CAGE1: variants seen among roughly 807,000 people sequenced by gnomAD.
CAGE1 encodes the protein cancer-associated gene 1 protein.
A neutral mutation model predicts 94.9 loss-of-function variants in CAGE1; 66 were observed. The ratio of observed to expected loss-of-function variants is 0.70; its 90% CI spans 0.57 to 0.85. The LOEUF is 0.85. Ranked by LOEUF, CAGE1 falls within the 40% of genes least tolerant of loss-of-function variation. The probability of loss-of-function intolerance (pLI) is 0.00; values close to 1 mark genes in which losing one functional copy is unlikely to be tolerated. For missense variants in CAGE1, 865 were observed against 950.4 expected, an observed-to-expected ratio of 0.91 and a Z score of 1.18; for synonymous variants, 319 against 321.0, an observed-to-expected ratio of 0.99 and a Z score of 0.07.
At chr6:7,352,290 CA>C (rs77426667) in intron 11 of CAGE1, among the ~76,000 whole-genome samples, 574 of 43,630 alleles carry the variant, frequency 0.013, 4 homozygotes, top group East Asian at 0.077. Flanking sequence ...ACAATAGCTG[CA>C]AAAAAAAAAA....
chr6:7,343,064 C>T (rs1485450669), intron 11 of CAGE1, among the ~76,000 whole-genome samples: 1 of 151,742 alleles, frequency 6.6e-6, no homozygotes, highest in East Asian at 1.9e-4. Flanking sequence ...TGGTGGGTGC[C>T]TGTAATCCCA....
At chr6:7,368,662 T>C in intron 7 of CAGE1, 26 bp downstream of exon 7, 1 of 1,191,354 alleles carries the variant, frequency 8.4e-7, no homozygotes, top group Non-Finnish European at 1.2e-6. Context: ...ATAATAAAAT[T>C]TTTAGAAGAA....
chr6:7,366,779 C>G (rs1180003912), intron 7 of CAGE1, among the ~76,000 whole-genome samples: 3 of 151,710 alleles, frequency 2.0e-5, no homozygotes, highest in Non-Finnish European at 4.4e-5. Flanking sequence ...TAAGTCATAG[C>G]TGTGAGGACG....
At chr6:7,333,814 C>T (rs1039134404) in intron 12 of CAGE1, among the ~76,000 whole-genome samples, 4 of 151,468 alleles carry the variant, frequency 2.6e-5, no homozygotes, top group Admixed American at 6.6e-5. Context: ...ATTACAGGCA[C>T]GTGCCACCAT....
chr6:7,366,738 G>A (rs898609454), intron 7 of CAGE1, among the ~76,000 whole-genome samples: 1 of 151,824 alleles, frequency 6.6e-6, no homozygotes, highest in Non-Finnish European at 1.5e-5. Flanking sequence ...CCTTTCCCTC[G>A]GCTGATTTTG....
chr6:7,357,121 G>T (rs1759985273), intron 9 of CAGE1, among the ~76,000 whole-genome samples: 2 of 152,006 alleles, frequency 1.3e-5, no homozygotes, highest in South Asian at 4.1e-4. Context: ...ATACTTACAT[G>T]TCTGTAGTGA....
chr6:7,334,892 A>AATCAACAC (rs1156243607), intron 11 of CAGE1, among the ~76,000 whole-genome samples: 1 of 152,170 alleles, frequency 6.6e-6, no homozygotes, highest in Non-Finnish European at 1.5e-5. Context: ...TGCTGCAACA[A>AATCAACAC]ATCAACACAA....
Position 7,359,105 on chromosome 6 carries a change from G to A in CAGE1, c.2194-2976C>T, listed in dbSNP as rs189291844. ...CTTGTTGCCCAGGCTGGAGTGCAAT[G>A]GCACAATCTTGGCTCACTGCAACCT... is the stretch of plus-strand genomic sequence containing the variant. On this transcript the variant is annotated intron_variant, in intron 9 of 13. Coordinates refer to ENST00000502583, the MANE Select transcript of CAGE1 (RefSeq NM_001170692.2). Among the ~76,000 whole-genome samples the A allele has an allele frequency of 1.4e-3, 211 of 151,934 alleles. 1 individual carries two copies. The highest frequency in any genetic ancestry group is 4.8e-3 in the African/African-American group (199 of 41,424).
chr6:7,357,129 T>TGAA (rs1411680076), intron 9 of CAGE1, among the ~76,000 whole-genome samples: 13 of 151,972 alleles, frequency 8.6e-5, no homozygotes, highest in Admixed American at 5.9e-4. Flanking sequence ...ATGTCTGTAG[T>TGAA]GAAGAACCCT....
At chr6:7,372,652 A>G (rs1460865505) in intron 5 of CAGE1, among the ~76,000 whole-genome samples, 1 of 151,838 alleles carries the variant, frequency 6.6e-6, no homozygotes, top group African/African-American at 2.4e-5. Context: ...TTTCCTTTCC[A>G]TATCTGTTTT....
At chr6:7,337,769 AG>A (rs1354545619) in intron 11 of CAGE1, among the ~76,000 whole-genome samples, 1 of 152,246 alleles carries the variant, frequency 6.6e-6, no homozygotes, top group African/African-American at 2.4e-5. Context: ...CTCTATAAAA[AG>A]TCTTAGAATC....
At position 7,365,568 on chromosome 6, in the gene CAGE1, T is replaced by G. The variant is rs1760302400; in HGVS notation, c.2093A>C (p.Asp698Ala). The G allele has an allele frequency of 6.2e-7, 1 of 1,607,830 alleles. No homozygotes were observed. The highest frequency in any genetic ancestry group is 1.3e-5 in the African/African-American group (1 of 74,832). ...AFQDHAIKVI[D>A]CDSDEAKSIR... ...ACTCTTGGCTTCATCTGAATCACAG[T>G]CTATGACCTGAGATTAAATATATTT... Residue 698 changes from aspartate (D) to alanine (A), a missense_variant, in exon 9 of 14, where the codon GAC (aspartate) becomes GCC (alanine). Coordinates refer to ENST00000502583, the MANE Select transcript of CAGE1 (RefSeq NM_001170692.2).
rs1020868226 is a variant in CAGE1 at position 7,362,343 on chromosome 6, C to G, written c.2193+3125G>C. Among the ~76,000 whole-genome samples, 6 of 152,188 alleles carry G rather than the reference C, an allele frequency of 3.9e-5. No individual in the cohort carries two copies. The highest frequency in any genetic ancestry group is 1.4e-4 in the African/African-American group (6 of 41,466). Reference sequence around the variant, plus strand: ...TCTAGGAGGAACTTACTATGAGCCTCTTTGAACTCTGAACATCAGTACCAT... The same window carrying G: ...TCTAGGAGGAACTTACTATGAGCCTGTTTGAACTCTGAACATCAGTACCAT... On this transcript the variant is annotated intron_variant, in intron 9 of 13. Transcript: ENST00000502583. This position sits in a 1 kb window ranked among gnomAD's most constrained non-coding sequence, Gnocchi z 4.1.
rs1561848650 is a variant in CAGE1, at chr6:7,339,990, T to C, written c.2370-5900A>G. 6.6e-6 allele frequency among the ~76,000 whole-genome samples: 1 copy of C among 152,254 alleles called. No individual in the cohort carries two copies. The highest frequency in any genetic ancestry group is 1.9e-4 in the East Asian group (1 of 5,202). Reference sequence around the variant, plus strand: ...TCTACTTTTAGTTCTTTAAAGACTTTCCACACTGTTTTCCACAGTGGTTAT... The same window carrying C: ...TCTACTTTTAGTTCTTTAAAGACTTCCCACACTGTTTTCCACAGTGGTTAT... On this transcript the variant is annotated intron_variant, in intron 11 of 13. Transcript: ENST00000502583. This position sits in a 1 kb window ranked among gnomAD's most constrained non-coding sequence, Gnocchi z 4.7.
chr6:7,333,014 G>A (rs757420995), intron 12 of CAGE1, among the ~76,000 whole-genome samples: 6 of 151,822 alleles, frequency 4.0e-5, no homozygotes, highest in African/African-American at 1.5e-4. Context: ...GCAGTGGCAC[G>A]ATCTCAGCTC....
chr6:7,358,027 G>GATATAGAT (rs1748233178), intron 9 of CAGE1, among the ~76,000 whole-genome samples: 7 of 48,074 alleles, frequency 1.5e-4, no homozygotes, highest in African/African-American at 4.1e-4. Context: ...TAAGTTTTGA[G>GATATAGAT]ATATATATAT....
Position 7,362,565 on chromosome 6 carries a change from C to A in CAGE1, c.2193+2903G>T, listed in dbSNP as rs1206341569. 6.6e-6 allele frequency among the ~76,000 whole-genome samples: 1 copy of A among 152,136 alleles called. No individual in the cohort carries two copies. Among genetic ancestry groups the A allele is most frequent in the Non-Finnish European group, 1.5e-5 (1 of 68,024 alleles). ...AATGGAGCAGATGGCAGGGTCAGAACTGTGAAGAGGAGCCAACGGCAAGGG... is the reference window on the plus strand; with the variant it reads ...AATGGAGCAGATGGCAGGGTCAGAAATGTGAAGAGGAGCCAACGGCAAGGG... On this transcript the variant is annotated intron_variant, in intron 9 of 13. Coordinates refer to ENST00000502583, the MANE Select transcript of CAGE1 (RefSeq NM_001170692.2). The surrounding 1 kb of genome is among the most constrained non-coding windows in gnomAD (Gnocchi z 4.1).
At position 7,341,233 on chromosome 6, in the gene CAGE1, TGGAGGTA is replaced by T. The variant is rs1759162611; in HGVS notation, c.2370-7150_2370-7144del. ...GTGCTAGGTGATGCCAGAGATACTG[TGGAGGTA>T]GCCAAAGGTGCTCACAGCAGAAGCC... is the stretch of plus-strand genomic sequence containing the variant. On this transcript the variant is annotated intron_variant, in intron 11 of 13. Transcript: ENST00000502583. 4.6e-5 allele frequency: 31 copies of T among 679,878 alleles called. 2 individuals carry two copies. In the Middle Eastern group the frequency reaches 4.2e-3, roughly 93 times the overall value. 42.1% of individuals were successfully genotyped at this position (679,878 alleles called of 1,614,324 possible). A position where few individuals can be genotyped will look rare whatever the true frequency, so the allele number is the denominator to read the frequency against.
chr6:7,366,075 G>A (rs1194893161), intron 7 of CAGE1, among the ~76,000 whole-genome samples, 191 bp from the exon 8 acceptor site: 1 of 152,056 alleles, frequency 6.6e-6, no homozygotes, highest in Non-Finnish European at 1.5e-5. Flanking sequence ...GTGAAACCCT[G>A]TCTCTCCTAA....
Sources: gnomAD v4.1 joint callset for allele counts (sites outside exome capture counted in the v4.1 genomes callset) on GRCh38, gnomAD v4.1.1 for gene constraint, Gnocchi (gnomAD v3.1) non-coding constraint, MANE v1.5 for transcripts, NCBI Gene and HGNC (gene_info 2026-07-23, HGNC 2026-07-21) for gene names.